The following TVP23A variants were observed in gnomAD, a reference collection of about 807,000 sequenced individuals.
TVP23A encodes the protein Golgi apparatus membrane protein TVP23 homolog A.
In TVP23A, 21 loss-of-function variants were observed where a neutral mutation model predicts 31.7. The ratio of observed to expected loss-of-function variants is 0.66; its 90% CI spans 0.47 to 0.95. The LOEUF is 0.95. Ranked by LOEUF, TVP23A falls within the 40% of genes least tolerant of loss-of-function variation. The pLI is 0.00. For synonymous variants in TVP23A, 104 were observed against 96.0 expected (o/e 1.08, Z -0.49); for missense variants, 279 against 255.6 (o/e 1.09, Z -0.62).
At chr16:10,771,865 C>T in intron 5 of TVP23A, 67 bp from the exon 6 acceptor site, 2 of 1,530,430 alleles carry the variant, frequency 1.3e-6, no homozygotes, top group Non-Finnish European at 1.8e-6. Flanking sequence ...GTCGCCCAGG[C>T]TGGGGTGCAG....
At chr16:10,817,935 A>T (rs572607755) in intron 2 of TVP23A, among the ~76,000 whole-genome samples, 168 bp downstream of exon 2, 1 of 152,214 alleles carries the variant, frequency 6.6e-6, no homozygotes, top group South Asian at 2.1e-4. Flanking sequence ...CCCTCTCCCA[A>T]TGCAGGCTCC....
chr16:10,784,232 G>C (rs2032597903), intron 2 of TVP23A, among the ~76,000 whole-genome samples: 1 of 151,828 alleles, frequency 6.6e-6, no homozygotes, highest in Non-Finnish European at 1.5e-5. Flanking sequence ...GGGAGGATGA[G>C]GAAGGAGAAT....
rs1641788 is a variant in TVP23A, at chr16:10,767,253, C to G, written c.*1849G>C. ...GAACACCCCCATTGACCCCTAGCCCCTTGTGTCCTGTCCACCTGGCTCTGG... is the reference window on the plus strand; with the variant it reads ...GAACACCCCCATTGACCCCTAGCCCGTTGTGTCCTGTCCACCTGGCTCTGG... On this transcript the variant is annotated 3_prime_UTR_variant, in exon 8 of 8. Coordinates refer to ENST00000299866, the MANE Select transcript of TVP23A (RefSeq NM_001079512.4). This position sits in a 1 kb window ranked among gnomAD's most constrained non-coding sequence, Gnocchi z 4.6. The G allele has an allele frequency of 2.5e-6, 1 of 399,152 alleles. No homozygotes were observed. The highest frequency in any genetic ancestry group is 4.4e-6 in the Non-Finnish European group (1 of 226,668). The allele number at this position is 399,152 out of a possible 1,614,324, so 24.7% of individuals were successfully genotyped here. A position where few individuals can be genotyped will look rare whatever the true frequency, so the allele number is the denominator to read the frequency against.
chr16:10,773,974 AC>A (rs1276176084), intron 4 of TVP23A, 64 bp downstream of exon 4: 3 of 1,290,004 alleles, frequency 2.3e-6, no homozygotes, highest in Non-Finnish European at 3.3e-6. Context: ...CTCCAAAGGA[AC>A]CCACAGAAAC....
intron 2 of TVP23A, among the ~76,000 whole-genome samples, chr16:10,804,927 C>T (rs1470507677): frequency 6.6e-6 from 1 of 152,028 alleles, no homozygotes; most frequent in Non-Finnish European, 1.5e-5. Context: ...ACCTCTTGGG[C>T]AGTTTCTCCC....
At chr16:10,783,936 G>A (rs957069666) in intron 2 of TVP23A, among the ~76,000 whole-genome samples, 4 of 152,172 alleles carry the variant, frequency 2.6e-5, no homozygotes, top group African/African-American at 9.7e-5. Flanking sequence ...TCCAGAGGGT[G>A]GGGAGGGATG....
chr16:10,761,135 C>A, downstream of TVP23A: 1 of 422,670 alleles, frequency 2.4e-6, no homozygotes, highest in Non-Finnish European at 4.4e-6. Context: ...CCCCATGATC[C>A]AATCACCTCC....
rs753748763 is a variant in TVP23A, at chr16:10,771,709, C to G, written c.543G>C (p.Lys181Asn). The G allele has an allele frequency of 1.2e-5, 20 of 1,613,566 alleles. No homozygotes were observed. The highest frequency in any genetic ancestry group is 6.7e-5 in the Admixed American group (4 of 59,968). ...TCTGGGACAGGAAACTGGCTGTGAC[C>G]TTGCCAATGTCACTGTTGCCTCCCA... ...CKMGGNSDIG[K>N]VTASFLSQTV... The change falls in exon 6 of 8, where the codon AAG becomes AAC. Residue 181 changes from lysine (K) to asparagine (N), a missense_variant. Lys to Asn is a moderately conservative substitution (Grantham distance 94, BLOSUM62 0). Transcript: ENST00000299866.
In TVP23A at chr16:10,779,582, C is replaced by T. The variant is rs1231471185; in HGVS notation, c.90-4486G>A. 2.6e-5 allele frequency among the ~76,000 whole-genome samples: 4 copies of T among 152,194 alleles called. No homozygotes were observed. The highest frequency in any genetic ancestry group is 4.4e-5 in the Non-Finnish European group (3 of 68,050). ...CAGCACAGGGGCATGGCACCAGCTG[C>T]GTGTGTTCCCGGACCAACTGAGAAT... On this transcript the variant is annotated intron_variant, in intron 2 of 7. Coordinates refer to ENST00000299866, the MANE Select transcript of TVP23A (RefSeq NM_001079512.4). The surrounding 1 kb of genome is among the most constrained non-coding windows in gnomAD (Gnocchi z 4.9).
chr16:10,775,669 C>T, intron 2 of TVP23A: 3 of 406,850 alleles, frequency 7.4e-6, no homozygotes, highest in Non-Finnish European at 1.0e-5. Flanking sequence ...GTTCACTGTG[C>T]CTTTAGACAC....
rs1365655842 is a variant in TVP23A at position 10,777,136 on chromosome 16, T to C, written c.90-2040A>G. ...TCTGGTTCACACGCCTCTGACACAG[T>C]GATGGATGAGAATGAAACCCGCACC... On this transcript the variant is annotated intron_variant, in intron 2 of 7. Transcript: ENST00000299866. The surrounding 1 kb of genome is among the most constrained non-coding windows in gnomAD (Gnocchi z 4.5). Among the ~76,000 whole-genome samples the C allele has an allele frequency of 6.6e-6, 1 of 151,768 alleles. No individual in the cohort carries two copies. Among genetic ancestry groups the C allele is most frequent in the Non-Finnish European group, 1.5e-5 (1 of 67,954 alleles).
chr16:10,787,433 G>A (rs1463284539), intron 2 of TVP23A, among the ~76,000 whole-genome samples: 2 of 152,072 alleles, frequency 1.3e-5, no homozygotes, highest in Admixed American at 6.6e-5. Flanking sequence ...TCAAAATGGC[G>A]GCTCCATCTT....
downstream of TVP23A, chr16:10,761,010 A>AT (rs1029654090): frequency 4.7e-6 from 1 of 210,876 alleles, no homozygotes; most frequent in African/African-American, 2.3e-5. Flanking sequence ...AAGCAGGCAC[A>AT]TGTTACACAG....
At chr16:10,810,089 G>A (rs186375936) in intron 2 of TVP23A, among the ~76,000 whole-genome samples, 2 of 152,194 alleles carry the variant, frequency 1.3e-5, no homozygotes, top group East Asian at 3.9e-4. Context: ...CCTAAACCGG[G>A]ATGAACCTGG....
intron 5 of TVP23A, 32 bp from the exon 6 acceptor site, chr16:10,771,830 T>C (rs2031647745): frequency 1.3e-6 from 2 of 1,550,006 alleles, no homozygotes; most frequent in Non-Finnish European, 1.7e-6. Context: ...AAAGGTCACT[T>C]TTTTTTGAGA....
chr16:10,759,843 C>T (rs1000498411), downstream of TVP23A, among the ~76,000 whole-genome samples: 1 of 152,206 alleles, frequency 6.6e-6, no homozygotes, highest in African/African-American at 2.4e-5. The surrounding 1 kb of genome is among the most constrained non-coding windows in gnomAD (Gnocchi z 4.7). Flanking sequence ...GCGCCCCTTC[C>T]TCCGCATCCC....
At chr16:10,798,904 T>A (rs2033551257) in intron 2 of TVP23A, among the ~76,000 whole-genome samples, 1 of 152,234 alleles carries the variant, frequency 6.6e-6, no homozygotes, top group African/African-American at 2.4e-5. Flanking sequence ...CCTCATGATC[T>A]GCCTGCCTTG....
downstream of TVP23A, chr16:10,762,191 G>C (rs891578888): frequency 9.4e-6 from 2 of 211,936 alleles, no homozygotes; most frequent in Admixed American, 5.3e-5. Flanking sequence ...TGGCGTCCAG[G>C]TTACAGAGGA....
intron 2 of TVP23A, chr16:10,808,565 G>T (rs892012873): frequency 2.2e-6 from 1 of 454,788 alleles, no homozygotes; most frequent in Admixed American, 2.4e-5. Context: ...GGGAGGCCAA[G>T]GCAGGAGGAT....
Sources: gnomAD v4.1 joint callset for allele counts (sites outside exome capture counted in the v4.1 genomes callset) on GRCh38, gnomAD v4.1.1 for gene constraint, Gnocchi (gnomAD v3.1) non-coding constraint, MANE v1.5 for transcripts, NCBI Gene and HGNC (gene_info 2026-07-23, HGNC 2026-07-21) for gene names.